Variants in ABCG2 observed in about 807,000 individuals in gnomAD.
ABCG2 encodes the protein ATP binding cassette subfamily G member 2 (JR blood group), also known as broad substrate specificity ATP-binding cassette transporter ABCG2.
In ABCG2, 80 loss-of-function variants were observed where a neutral mutation model predicts 73.5. The ratio of observed to expected loss-of-function variants is 1.09; its 90% CI spans 0.91 to 1.31. ABCG2 has a LOEUF of 1.31. Among genes scored for constraint, ABCG2 ranks in the 50% most tolerant of loss-of-function variants. ABCG2 has a pLI of 0.00. For synonymous variants in ABCG2, 269 were observed against 282.4 expected (o/e 0.95, Z 0.48); for missense variants, 796 against 786.2 (o/e 1.01, Z -0.15).
chr4:88,147,685 A>T (rs1726152115), intron 1 of ABCG2, among the ~76,000 whole-genome samples: 1 of 152,232 alleles, frequency 6.6e-6, no homozygotes, highest in African/African-American at 2.4e-5. Context: ...CTTAATAAAG[A>T]TGTTAGCACT....
chr4:88,209,838 G>A (rs1264840730), intron 1 of ABCG2, among the ~76,000 whole-genome samples: 1 of 152,122 alleles, frequency 6.6e-6, no homozygotes, highest in African/African-American at 2.4e-5. Context: ...AAGCTACGTG[G>A]TAGTAGCAAT....
chr4:88,128,731 T>C (rs2110035813), intron 5 of ABCG2, among the ~76,000 whole-genome samples: 1 of 152,132 alleles, frequency 6.6e-6, no homozygotes, highest in Non-Finnish European at 1.5e-5. Context: ...TGAGAACACA[T>C]GGACACAGGG....
intron 1 of ABCG2, among the ~76,000 whole-genome samples, chr4:88,187,093 C>CAAAAA (rs61116461): frequency 4.4e-5 from 2 of 45,194 alleles, no homozygotes; most frequent in African/African-American, 1.9e-4. Flanking sequence ...GATTCTGTCT[C>CAAAAA]AAAAAAAAAA....
intron 1 of ABCG2, among the ~76,000 whole-genome samples, chr4:88,180,611 G>A (rs925203754): frequency 3.3e-5 from 5 of 152,090 alleles, no homozygotes; most frequent in African/African-American, 1.2e-4. Context: ...TTATGGAAAT[G>A]GTGGTGTGCA....
At chr4:88,106,395 G>A (rs1313513797) in intron 10 of ABCG2, among the ~76,000 whole-genome samples, 1 of 152,148 alleles carries the variant, frequency 6.6e-6, no homozygotes, top group South Asian at 2.1e-4. Flanking sequence ...ATGGAAAAAC[G>A]AAATGTGGTA....
intron 5 of ABCG2, among the ~76,000 whole-genome samples, chr4:88,124,934 G>C (rs187720457): frequency 4.6e-5 from 7 of 152,246 alleles, no homozygotes; most frequent in African/African-American, 1.4e-4. Context: ...ACATGCAAAA[G>C]AACGGAAATC....
At chr4:88,162,876 T>A (rs1051713206), upstream of ABCG2, among the ~76,000 whole-genome samples, 1 of 152,180 alleles carries the variant, frequency 6.6e-6, no homozygotes, top group Admixed American at 6.5e-5. Context: ...CTTTCTTTTA[T>A]TTTACCAGGC....
chr4:88,125,638 T>TAAAAAAAAAAA (rs1724358026), intron 5 of ABCG2, among the ~76,000 whole-genome samples: 1 of 102,864 alleles, frequency 9.7e-6, no homozygotes, highest in East Asian at 3.8e-4. Context: ...AAAAAAAAAC[T>TAAAAAAAAAAA]GTAGAACTAC....
intron 10 of ABCG2, among the ~76,000 whole-genome samples, chr4:88,103,142 C>A (rs1722552155): frequency 1.3e-5 from 2 of 152,290 alleles, no homozygotes; most frequent in South Asian, 4.2e-4. Flanking sequence ...GCCTGGTAGA[C>A]ATGCAGTTAT....
intron 6 of ABCG2, 108 bp from the exon 7 acceptor site, chr4:88,118,368 C>A: frequency 8.6e-7 from 1 of 1,157,344 alleles, no homozygotes. Flanking sequence ...TTCAGCCTGA[C>A]TTTGTCTTAC....
chr4:88,129,069 T>G (rs1287025329), intron 5 of ABCG2, among the ~76,000 whole-genome samples: 1 of 152,156 alleles, frequency 6.6e-6, no homozygotes. Flanking sequence ...AAAATGTGAA[T>G]GCAACTATAA....
chr4:88,150,392 G>T (rs13112962), intron 1 of ABCG2, among the ~76,000 whole-genome samples: 75 of 152,306 alleles, frequency 4.9e-4, no homozygotes, highest in Non-Finnish European at 8.5e-4. Flanking sequence ...AGTGCTGGTC[G>T]AAGGAACAGC....
At chr4:88,222,248 A>G (rs527872587) in intron 1 of ABCG2, among the ~76,000 whole-genome samples, 6 of 152,332 alleles carry the variant, frequency 3.9e-5, no homozygotes, top group Admixed American at 3.9e-4. Flanking sequence ...GAGGAAATGT[A>G]TGGAAGTATG....
At chr4:88,139,124 G>GAAAAAA in intron 2 of ABCG2, among the ~76,000 whole-genome samples, 1 of 148,982 alleles carries the variant, frequency 6.7e-6, no homozygotes. Flanking sequence ...CTGGGTGATA[G>GAAAAAA]AGCGAGACTC....
chr4:88,114,974 C>G lies in ABCG2; in HGVS notation c.926G>C (p.Arg309Thr). The part of the protein sequence containing the change: ...NGDSTAVALN[R>T]EEDFKATEII... ...TCATATACCTTTAAAGTCTTCTTCT[C>G]TGTTTAATGCCACAGCAGTGGAATC... Residue 309 changes from arginine (R) to threonine (T), a missense_variant, in exon 8 of 16, where the codon AGA becomes ACA. Physicochemically the swap from Arg to Thr is moderately conservative, Grantham distance 71. Transcript: ENST00000237612. 1 of 1,611,326 alleles carries G rather than the reference C, an allele frequency of 6.2e-7. No individual in the cohort carries two copies. The highest frequency in any genetic ancestry group is 1.1e-5 in the South Asian group (1 of 90,768).
chr4:88,157,041 G>A (rs144557456), intron 1 of ABCG2, among the ~76,000 whole-genome samples: 1 of 152,346 alleles, frequency 6.6e-6, no homozygotes, highest in African/African-American at 2.4e-5. Flanking sequence ...GGCAAAGGTT[G>A]CAATGAGCTG....
rs182208573 is a variant in ABCG2, at chr4:88,136,482, A to G, written c.203+3311T>C. On this transcript the variant is annotated intron_variant, in intron 2 of 15. Transcript: ENST00000237612. The stretch of plus-strand genomic sequence containing the variant: ...TTCAAAGAATGAGGCAAGGTGGGAG[A>G]AACACTTGAGCCCAGGAGTTTGAGA... Among the ~76,000 whole-genome samples the G allele has an allele frequency of 1.8e-3, 277 of 152,286 alleles. 7 individuals are homozygous for G. In the South Asian group the frequency reaches 0.023, roughly 13 times the overall value.
At chr4:88,125,801 T>C (rs747575538) in intron 5 of ABCG2, among the ~76,000 whole-genome samples, 4 of 152,008 alleles carry the variant, frequency 2.6e-5, no homozygotes, top group Non-Finnish European at 4.4e-5. Context: ...GGGAAATTTA[T>C]AGCACTAAAT....
intron 1 of ABCG2, among the ~76,000 whole-genome samples, chr4:88,183,938 A>G (rs952968433): frequency 3.9e-5 from 6 of 152,236 alleles, no homozygotes; most frequent in Admixed American, 3.9e-4. Flanking sequence ...CATACGTCAT[A>G]TCAATAGAAT....
Sources: gnomAD v4.1 joint callset for allele counts (sites outside exome capture counted in the v4.1 genomes callset) on GRCh38, gnomAD v4.1.1 for gene constraint, MANE v1.5 for transcripts, NCBI Gene and HGNC (gene_info 2026-07-23, HGNC 2026-07-21) for gene names.